ATG7: variants seen among roughly 807,000 people sequenced by gnomAD.
ATG7 encodes ubiquitin-like modifier-activating enzyme ATG7.
ATG7 carries 70 observed loss-of-function variants against 82.4 expected under a neutral mutation model. The ratio of observed to expected loss-of-function variants is 0.85; its 90% confidence interval spans 0.70 to 1.04. ATG7 has a LOEUF of 1.04. Among genes scored for constraint, ATG7 ranks in the 50% least tolerant of loss-of-function variants. ATG7 has a pLI of 0.00. For missense variants in ATG7, 792 were observed against 864.3 expected (o/e 0.92, Z 1.05); for synonymous variants, 287 against 313.0 (o/e 0.92, Z 0.88).
intron 20 of ATG7, among the ~76,000 whole-genome samples, chr3:11,479,735 A>G (rs2088700426): frequency 6.6e-6 from 1 of 152,348 alleles, no homozygotes; most frequent in South Asian, 2.1e-4. Context: ...GAGACATGCC[A>G]TTGGTCACTG....
At chr3:11,552,892 G>A (rs1452816670) in intron 20 of ATG7, among the ~76,000 whole-genome samples, 1 of 152,146 alleles carries the variant, frequency 6.6e-6, no homozygotes, top group Admixed American at 6.5e-5. Context: ...CCAGTAAAAT[G>A]GATGATAAAA....
intron 18 of ATG7, among the ~76,000 whole-genome samples, chr3:11,366,699 TTC>T (rs2076634418): frequency 6.6e-6 from 1 of 152,142 alleles, no homozygotes; most frequent in Non-Finnish European, 1.5e-5. Context: ...AGTTGTAGTT[TTC>T]TCAGTGCTGA....
At chr3:11,511,656 G>A (rs1171669688) in intron 20 of ATG7, among the ~76,000 whole-genome samples, 4 of 152,210 alleles carry the variant, frequency 2.6e-5, no homozygotes, top group South Asian at 2.1e-4. Context: ...GGTGGTGCTC[G>A]TCGGGGAGGC....
chr3:11,532,241 T>C (rs2092707152), intron 20 of ATG7, among the ~76,000 whole-genome samples: 1 of 152,192 alleles, frequency 6.6e-6, no homozygotes, highest in Non-Finnish European at 1.5e-5. Flanking sequence ...CCACATGAGA[T>C]GCTGCAGACA....
intron 20 of ATG7, among the ~76,000 whole-genome samples, chr3:11,535,257 G>A (rs1016733819): frequency 4.6e-5 from 7 of 152,176 alleles, no homozygotes; most frequent in Non-Finnish European, 8.8e-5. Context: ...CCCTTCATCA[G>A]ACACCCTGCC....
Position 11,329,390 on chromosome 3 carries a change from GC to G in ATG7, c.679-1948del, listed in dbSNP as rs577219055. Among the ~76,000 whole-genome samples, 19 of 152,222 alleles carry G rather than the reference GC, an allele frequency of 1.2e-4. No homozygotes were observed. The South Asian group carries it at 3.5e-3, about 28-fold the overall frequency. On this transcript the variant is annotated intron_variant, in intron 9 of 20. Transcript: ENST00000693202. ...ATCTAGATTTAACAAAAATTTATCAGCCGTGTTTTCATTTAACCCATGCTAT... is the reference window on the plus strand; with the variant it reads ...ATCTAGATTTAACAAAAATTTATCAGCGTGTTTTCATTTAACCCATGCTAT...
At chr3:11,329,049 C>T (rs566400879) in intron 9 of ATG7, among the ~76,000 whole-genome samples, 2 of 152,310 alleles carry the variant, frequency 1.3e-5, no homozygotes, top group Admixed American at 1.3e-4. Flanking sequence ...GAGCCGAGAT[C>T]GTGCCGCTGC....
chr3:11,497,619 T>C (rs1054472372), intron 20 of ATG7, among the ~76,000 whole-genome samples: 3 of 151,350 alleles, frequency 2.0e-5, no homozygotes, highest in Non-Finnish European at 4.4e-5. Context: ...GATGTTATTC[T>C]ATCTTAATGC....
intron 7 of ATG7, among the ~76,000 whole-genome samples, chr3:11,311,093 G>A (rs938120236): frequency 1.3e-5 from 2 of 152,106 alleles, no homozygotes; most frequent in Admixed American, 1.3e-4. Flanking sequence ...AAAGTTTTAA[G>A]GTTTGCCTAG....
chr3:11,471,565 C>G (rs985443425), intron 20 of ATG7, among the ~76,000 whole-genome samples: 1 of 151,440 alleles, frequency 6.6e-6, no homozygotes, highest in African/African-American at 2.4e-5. Flanking sequence ...CTCTTGGGGT[C>G]AAGGCCATAA....
chr3:11,363,063 G>A, intron 17 of ATG7, 135 bp downstream of exon 17: 1 of 749,840 alleles, frequency 1.3e-6, no homozygotes. Flanking sequence ...AACAAGACTA[G>A]AAAAAGCAGG....
chr3:11,542,809 C>T (rs566870083), intron 20 of ATG7, among the ~76,000 whole-genome samples: 16 of 152,322 alleles, frequency 1.1e-4, no homozygotes, highest in South Asian at 4.1e-4. Context: ...ACGTTTGGAA[C>T]GGCTGAGCAT....
chr3:11,543,790 T>C (rs560865585), intron 20 of ATG7, among the ~76,000 whole-genome samples: 17 of 152,302 alleles, frequency 1.1e-4, no homozygotes, highest in Admixed American at 9.8e-4. Context: ...TTATCCCGGC[T>C]ACTCAGGAGG....
chr3:11,274,855 G>C (rs1422357526), intron 1 of ATG7, among the ~76,000 whole-genome samples: 1 of 151,848 alleles, frequency 6.6e-6, no homozygotes, highest in African/African-American at 2.4e-5. Context: ...GCCAGGCCCA[G>C]AAGTTTGGAC....
At chr3:11,554,188 TCA>T (rs2125072729) in intron 20 of ATG7, among the ~76,000 whole-genome samples, 1 of 152,308 alleles carries the variant, frequency 6.6e-6, no homozygotes, top group South Asian at 2.1e-4. Flanking sequence ...ACTGCGAGGC[TCA>T]GACTCGGAGG....
intron 20 of ATG7, among the ~76,000 whole-genome samples, chr3:11,463,184 CCCT>C (rs903605570): frequency 1.6e-4 from 24 of 151,972 alleles, no homozygotes; most frequent in African/African-American, 5.5e-4. Flanking sequence ...CATGCCCGGC[CCCT>C]CTCAGATATT....
At chr3:11,276,770 A>T (rs1289795799) in intron 1 of ATG7, among the ~76,000 whole-genome samples, 1 of 152,006 alleles carries the variant, frequency 6.6e-6, no homozygotes, top group Non-Finnish European at 1.5e-5. Flanking sequence ...TGTCCCTCAC[A>T]TGCCAATTTT....
At chr3:11,299,293 TAAGCATTTTTGTTATGA>T in intron 4 of ATG7, 52 bp from the exon 5 acceptor site, 1 of 1,474,170 alleles carries the variant, frequency 6.8e-7, no homozygotes, top group Non-Finnish European at 9.5e-7. Context: ...AAACTATTCA[TAAGCATTTTTGTTATGA>T]ACGCTGCTAT....
chr3:11,537,576 A>T (rs892876409), intron 20 of ATG7, among the ~76,000 whole-genome samples: 1 of 152,162 alleles, frequency 6.6e-6, no homozygotes, highest in African/African-American at 2.4e-5. Context: ...TCTCTCAAAG[A>T]TCCAGGGGTC....
Sources: allele counts gnomAD v4.1 joint callset (sites outside exome capture counted in the v4.1 genomes callset), GRCh38; gene constraint gnomAD v4.1.1; transcripts MANE v1.5; gene names NCBI Gene and HGNC (gene_info 2026-07-23, HGNC 2026-07-21).